The following PCDHA5 variants were observed in gnomAD, a reference collection of about 807,000 sequenced individuals.
The protein encoded by PCDHA5 is protocadherin alpha 5.
Under a neutral mutation model 61.6 loss-of-function variants are expected in PCDHA5, and 43 were observed. The observed-to-expected ratio is 0.70, with a 90% confidence interval of 0.55 to 0.90. PCDHA5 has a LOEUF of 0.90. PCDHA5 is among the 40% of genes least tolerant of loss of function. PCDHA5 has a pLI of 0.00. For synonymous variants in PCDHA5, 627 were observed against 543.9 expected (o/e 1.15, Z -2.13); for missense variants, 1,298 against 1,222.7 (o/e 1.06, Z -0.92).
chr5:140,872,338 A>T (rs970096150), intron 1 of PCDHA5, among the ~76,000 whole-genome samples: 2 of 152,156 alleles, frequency 1.3e-5, no homozygotes, highest in Non-Finnish European at 2.9e-5. Context: ...AAAATTCTAC[A>T]TGTTCTTGCC....
intron 1 of PCDHA5, chr5:140,841,323 T>G: frequency 1.3e-6 from 2 of 1,588,196 alleles, no homozygotes; most frequent in Non-Finnish European, 1.7e-6. Flanking sequence ...CTATTTAACA[T>G]GGATTATCAC....
intron 1 of PCDHA5, chr5:140,927,862 G>A (rs1397918624): frequency 2.5e-6 from 4 of 1,614,082 alleles, no homozygotes; most frequent in African/African-American, 2.7e-5. Context: ...AGCTAGCACC[G>A]CTAAACTGCT....
chr5:140,845,119 A>C (rs1166318033), intron 1 of PCDHA5, among the ~76,000 whole-genome samples: 4 of 149,728 alleles, frequency 2.7e-5, no homozygotes, highest in African/African-American at 9.8e-5. Flanking sequence ...GTCCATGTTT[A>C]GCATTTTATT....
intron 1 of PCDHA5, chr5:140,870,060 A>G (rs2051623081): frequency 6.2e-7 from 1 of 1,613,776 alleles, no homozygotes; most frequent in African/African-American, 1.3e-5. Flanking sequence ...AAATTGAAGT[A>G]CAGGCTACAG....
intron 1 of PCDHA5, chr5:140,869,565 A>G: frequency 6.2e-7 from 1 of 1,614,190 alleles, no homozygotes; most frequent in Non-Finnish European, 8.5e-7. Flanking sequence ...GTTTTCCACT[A>G]GAGGGAGCTT....
At chr5:140,951,543 CG>C (rs1201907714) in intron 1 of PCDHA5, among the ~76,000 whole-genome samples, 2 of 151,550 alleles carry the variant, frequency 1.3e-5, no homozygotes, top group Admixed American at 1.3e-4. Flanking sequence ...GAGCAAGGGA[CG>C]GGGGGAAGTG....
chr5:140,968,029 G>C (rs1554230214), intron 1 of PCDHA5: 4 of 1,614,170 alleles, frequency 2.5e-6, no homozygotes, highest in South Asian at 2.2e-5. Context: ...CCTATACACT[G>C]GTGGTGAGCG....
At chr5:140,971,752 A>C (rs1367685618) in intron 1 of PCDHA5, among the ~76,000 whole-genome samples, 2 of 138,248 alleles carry the variant, frequency 1.4e-5, no homozygotes, top group Non-Finnish European at 3.3e-5. Context: ...TATATCTCAT[A>C]TTACTGAATC....
At chr5:140,998,300 G>C (rs1287043977) in intron 3 of PCDHA5, among the ~76,000 whole-genome samples, 1 of 152,194 alleles carries the variant, frequency 6.6e-6, no homozygotes, top group Non-Finnish European at 1.5e-5. Context: ...CACACATTTA[G>C]TAAGGGCACC....
At chr5:140,876,607 T>A in intron 1 of PCDHA5, 1 of 1,614,186 alleles carries the variant, frequency 6.2e-7, no homozygotes, top group Non-Finnish European at 8.5e-7. Context: ...GGATCGTGAC[T>A]CTGGAGCCAA....
Position 140,850,689 on chromosome 5 carries a change from T to G in PCDHA5, c.2352+26562T>G, listed in dbSNP as rs1554144776. On this transcript the variant is annotated intron_variant, in intron 1 of 3. Coordinates refer to ENST00000529859, the MANE Select transcript of PCDHA5 (RefSeq NM_018908.3). ...CTCGGCGATGCCCACCGAGGGCGAG[T>G]GCGCGCCTGGCAAGCCGACGCTGGT... The G allele has an allele frequency of 2.5e-6, 4 of 1,594,816 alleles. No individual in the cohort carries two copies. In the South Asian group the frequency reaches 3.3e-5, roughly 13 times the overall value.
At chr5:140,906,487 CA>C (rs1346198597) in intron 1 of PCDHA5, among the ~76,000 whole-genome samples, 1 of 152,180 alleles carries the variant, frequency 6.6e-6, no homozygotes, top group Non-Finnish European at 1.5e-5. Context: ...TATAAATGCA[CA>C]AACATGTTTT....
chr5:140,911,605 T>C (rs2075559169), intron 1 of PCDHA5, among the ~76,000 whole-genome samples: 1 of 152,224 alleles, frequency 6.6e-6, no homozygotes, highest in Non-Finnish European at 1.5e-5. Context: ...AACTTCATTA[T>C]GTTCCTTAGT....
chr5:140,993,535 GAGAT>G (rs2097571300), intron 3 of PCDHA5, among the ~76,000 whole-genome samples: 1 of 151,900 alleles, frequency 6.6e-6, no homozygotes, highest in African/African-American at 2.4e-5. Context: ...GAGAGAGAGA[GAGAT>G]AGAGAAGTGA....
chr5:140,871,382 A>C (rs781900960), intron 1 of PCDHA5: 1 of 1,614,070 alleles, frequency 6.2e-7, no homozygotes, highest in South Asian at 1.1e-5. Context: ...GTGTGCTCTG[A>C]GGAGGGCCCA....
rs576037609 is a variant in PCDHA5, at chr5:140,856,982, A to C, written c.2352+32855A>C. 1.2e-5 allele frequency: 19 copies of C among 1,595,040 alleles called. 1 individual carries two copies. In the South Asian group the frequency reaches 1.9e-4, roughly 16 times the overall value. ...AAATGATGCTATTGACTTTGAGGAC[A>C]GTAACACTTATGAAATTCATGTAGA... is the stretch of plus-strand genomic sequence containing the variant. On this transcript the variant is annotated intron_variant, in intron 1 of 3. Transcript: ENST00000529859.
At chr5:140,953,124 A>G (rs1554220816) in intron 1 of PCDHA5, among the ~76,000 whole-genome samples, 1 of 152,150 alleles carries the variant, frequency 6.6e-6, no homozygotes, top group African/African-American at 2.4e-5. Flanking sequence ...ACAGATCTAA[A>G]CCGTATCACT....
intron 1 of PCDHA5, chr5:140,926,257 C>T (rs888723043): frequency 5.2e-5 from 8 of 152,418 alleles, no homozygotes; most frequent in African/African-American, 1.4e-4. Context: ...ACCGTCCCGC[C>T]TCTCGCCGCC....
intron 2 of PCDHA5, among the ~76,000 whole-genome samples, chr5:140,979,303 C>A (rs1048294748): frequency 6.6e-6 from 1 of 152,148 alleles, no homozygotes; most frequent in Non-Finnish European, 1.5e-5. Context: ...CTCCTTCATC[C>A]CTCTCTACCT....
Sources: allele counts gnomAD v4.1 joint callset (sites outside exome capture counted in the v4.1 genomes callset), GRCh38; gene constraint gnomAD v4.1.1; transcripts MANE v1.5; gene names NCBI Gene and HGNC (gene_info 2026-07-23, HGNC 2026-07-21).